Variants in CAMTA1 observed in about 807,000 individuals in gnomAD.
CAMTA1 encodes calmodulin binding transcription activator 1, also known as calmodulin-binding transcription activator 1.
In CAMTA1, 27 loss-of-function variants were observed where a neutral mutation model predicts 170.9. The observed-to-expected ratio is 0.16, with a 90% CI of 0.12 to 0.22. The LOEUF is 0.22. Among genes scored for constraint, CAMTA1 ranks in the 10% least tolerant of loss-of-function variants. The pLI, the probability that CAMTA1 is intolerant of heterozygous loss-of-function variation, is 1.00. For missense variants in CAMTA1, 1,619 were observed against 2,217.2 expected (o/e 0.73, Z 5.42); for synonymous variants, 833 against 891.5 (o/e 0.93, Z 1.17).
intron 6 of CAMTA1, among the ~76,000 whole-genome samples, chr1:7,587,361 C>G (rs2095319680): frequency 6.6e-6 from 1 of 152,060 alleles, no homozygotes; most frequent in African/African-American, 2.4e-5. Context: ...TCCTAAAGGG[C>G]TTTGCTCACA....
At chr1:6,923,335 T>C (rs1682425248) in intron 3 of CAMTA1, among the ~76,000 whole-genome samples, 1 of 152,066 alleles carries the variant, frequency 6.6e-6, no homozygotes, top group Non-Finnish European at 1.5e-5. Context: ...AGGATCTGAG[T>C]GTGGGAAGGG....
At chr1:7,370,951 G>T (rs1221128980) in intron 5 of CAMTA1, among the ~76,000 whole-genome samples, 2 of 110,852 alleles carry the variant, frequency 1.8e-5, no homozygotes, top group Non-Finnish European at 3.3e-5. Context: ...TCACTCTGTC[G>T]CCCAGGCTGG....
intron 11 of CAMTA1, among the ~76,000 whole-genome samples, chr1:7,679,575 G>GCCC (rs377170123): frequency 0.027 from 2,749 of 102,726 alleles, 151 homozygotes; most frequent in African/African-American, 0.059. Flanking sequence ...CTCCCTAGCT[G>GCCC]CCCCCCCCCC....
intron 3 of CAMTA1, among the ~76,000 whole-genome samples, chr1:6,839,992 G>C (rs566957222): frequency 6.6e-6 from 1 of 152,312 alleles, no homozygotes; most frequent in African/African-American, 2.4e-5. Context: ...CCTGAGGTCA[G>C]GAGTTCAAGA....
At chr1:6,962,977 C>T (rs1557892472) in intron 3 of CAMTA1, among the ~76,000 whole-genome samples, 1 of 151,330 alleles carries the variant, frequency 6.6e-6, no homozygotes, top group Non-Finnish European at 1.5e-5. Context: ...CCCTTTCACC[C>T]GTCTGGCCCT....
At chr1:7,513,590 A>G (rs2094234029) in intron 6 of CAMTA1, among the ~76,000 whole-genome samples, 1 of 152,102 alleles carries the variant, frequency 6.6e-6, no homozygotes, top group Non-Finnish European at 1.5e-5. Context: ...TCATGTTCAC[A>G]TGATCTTCTT....
At chr1:7,068,189 C>T (rs1709206701) in intron 3 of CAMTA1, among the ~76,000 whole-genome samples, 1 of 152,112 alleles carries the variant, frequency 6.6e-6, no homozygotes, top group Admixed American at 6.6e-5. Context: ...AGACATCTGC[C>T]CTCGTATTCA....
At chr1:6,855,346 G>A (rs888494111) in intron 3 of CAMTA1, among the ~76,000 whole-genome samples, 5 of 151,564 alleles carry the variant, frequency 3.3e-5, no homozygotes, top group South Asian at 4.2e-4. Flanking sequence ...TTCCACAGGC[G>A]GTTCAGGAAG....
intron 3 of CAMTA1, among the ~76,000 whole-genome samples, chr1:7,021,556 A>G (rs957567191): frequency 1.3e-5 from 2 of 152,162 alleles, no homozygotes; most frequent in African/African-American, 2.4e-5. Context: ...TTTTTAAATT[A>G]TAATCAAAAC....
intron 4 of CAMTA1, among the ~76,000 whole-genome samples, chr1:7,120,512 A>T (rs758742178): frequency 3.3e-5 from 5 of 152,188 alleles, no homozygotes; most frequent in Non-Finnish European, 7.4e-5. Flanking sequence ...TGCTAGCAAG[A>T]TGGACGTTCC....
intron 4 of CAMTA1, among the ~76,000 whole-genome samples, chr1:7,110,625 C>T (rs2148370575): frequency 6.6e-6 from 1 of 152,336 alleles, no homozygotes; most frequent in East Asian, 1.9e-4. Context: ...ACAGCTGCTG[C>T]TCACTTAGAG....
chr1:6,844,141 G>A (rs1344980290), intron 3 of CAMTA1, among the ~76,000 whole-genome samples: 1 of 152,160 alleles, frequency 6.6e-6, no homozygotes, highest in African/African-American at 2.4e-5. Flanking sequence ...CAGACACTCA[G>A]AATATATATT....
chr1:7,449,178 C>G (rs1332888974), intron 5 of CAMTA1, among the ~76,000 whole-genome samples: 1 of 152,200 alleles, frequency 6.6e-6, no homozygotes, highest in African/African-American at 2.4e-5. Flanking sequence ...TGTCTGGATT[C>G]TAGACAAACC....
At chr1:7,188,477 C>T (rs897232398) in intron 4 of CAMTA1, among the ~76,000 whole-genome samples, 4 of 152,194 alleles carry the variant, frequency 2.6e-5, no homozygotes, top group African/African-American at 9.6e-5. Context: ...CCCTCCCTCT[C>T]CCCTAACCCT....
At chr1:7,485,587 T>G (rs1397939076) in intron 6 of CAMTA1, among the ~76,000 whole-genome samples, 1 of 152,200 alleles carries the variant, frequency 6.6e-6, no homozygotes, top group Non-Finnish European at 1.5e-5. Context: ...GGCAGGATCT[T>G]CTGCTGCTGG....
intron 6 of CAMTA1, among the ~76,000 whole-genome samples, chr1:7,578,510 G>T (rs2095224569): frequency 6.6e-6 from 1 of 152,200 alleles, no homozygotes; most frequent in South Asian, 2.1e-4. Flanking sequence ...CCTGCCCTCC[G>T]CCCCTACCGA....
At chr1:7,352,279 G>A (rs1257904668) in intron 5 of CAMTA1, among the ~76,000 whole-genome samples, 1 of 152,138 alleles carries the variant, frequency 6.6e-6, no homozygotes, top group Non-Finnish European at 1.5e-5. Context: ...GGGAACCTGG[G>A]CTTCCTGGGT....
chr1:7,027,418 C>A (rs920779869), intron 3 of CAMTA1, among the ~76,000 whole-genome samples: 1 of 152,118 alleles, frequency 6.6e-6, no homozygotes, highest in African/African-American at 2.4e-5. Context: ...ACAAGTTGAA[C>A]CTTAGTTATA....
At chr1:7,600,619 G>A (rs1557982841) in intron 6 of CAMTA1, among the ~76,000 whole-genome samples, 1 of 151,888 alleles carries the variant, frequency 6.6e-6, no homozygotes, top group Non-Finnish European at 1.5e-5. Flanking sequence ...CCTAGGCAGA[G>A]GACCCTGCGG....
Sources: allele counts gnomAD v4.1 joint callset (sites outside exome capture counted in the v4.1 genomes callset), GRCh38; gene constraint gnomAD v4.1.1; transcripts MANE v1.5; gene names NCBI Gene and HGNC (gene_info 2026-07-23, HGNC 2026-07-21).